The following GRAMD1B variants were observed in gnomAD, a reference collection of about 807,000 sequenced individuals.
The protein encoded by GRAMD1B is protein Aster-B.
GRAMD1B carries 37 observed loss-of-function variants against 99.7 expected under a neutral mutation model. The ratio of observed to expected loss-of-function variants is 0.37; its 90% CI spans 0.29 to 0.49. The LOEUF (loss-of-function observed/expected upper bound fraction) is 0.49. Ranked by LOEUF, GRAMD1B falls within the 20% of genes least tolerant of loss-of-function variation. GRAMD1B has a pLI of 0.98. For synonymous variants in GRAMD1B, 427 were observed against 387.6 expected (o/e 1.10, Z -1.19); for missense variants, 888 against 1,009.2 (o/e 0.88, Z 1.63).
intron 7 of GRAMD1B, chr11:123,599,347 G>A: frequency 1.4e-6 from 1 of 696,988 alleles, no homozygotes; most frequent in South Asian, 1.4e-5. Context: ...GAATTGATCT[G>A]GTCCCAGAGC....
intron 2 of GRAMD1B, among the ~76,000 whole-genome samples, chr11:123,531,244 C>G (rs1943338770): frequency 2.0e-5 from 3 of 152,146 alleles, no homozygotes; most frequent in Non-Finnish European, 2.9e-5. Context: ...CGCTGGTCAT[C>G]TAGGCATTTA....
At chr11:123,367,742 G>T (rs1946369423) in intron 1 of GRAMD1B, among the ~76,000 whole-genome samples, 1 of 151,432 alleles carries the variant, frequency 6.6e-6, no homozygotes, top group Non-Finnish European at 1.5e-5. Flanking sequence ...TAGTTTTTTA[G>T]GAATATAACT....
intron 2 of GRAMD1B, among the ~76,000 whole-genome samples, chr11:123,513,586 C>CTTCA (rs1941314699): frequency 4.2e-5 from 3 of 71,682 alleles, no homozygotes; most frequent in African/African-American, 2.1e-4. Flanking sequence ...CCTTTCCTTC[C>CTTCA]TTCCTTCCTT....
At chr11:123,362,557 T>G (rs1946180310) in intron 1 of GRAMD1B, among the ~76,000 whole-genome samples, 1 of 152,172 alleles carries the variant, frequency 6.6e-6, no homozygotes, top group Non-Finnish European at 1.5e-5. Flanking sequence ...TAAAAATTGA[T>G]TTATACAAAA....
At chr11:123,589,441 A>C (rs1950400295) in intron 4 of GRAMD1B, among the ~76,000 whole-genome samples, 1 of 151,438 alleles carries the variant, frequency 6.6e-6, no homozygotes, top group Non-Finnish European at 1.5e-5. Flanking sequence ...CCTTTAAATT[A>C]GCGTCTTTGG....
At chr11:123,504,075 C>T (rs117685485) in intron 2 of GRAMD1B, among the ~76,000 whole-genome samples, 2,506 of 152,246 alleles carry the variant, frequency 0.016, 39 homozygotes, top group Non-Finnish European at 0.027. Context: ...GTTCTAGAGG[C>T]TGAGGTCGAG....
chr11:123,604,930 C>T (rs1311015732), intron 9 of GRAMD1B, among the ~76,000 whole-genome samples: 2 of 152,150 alleles, frequency 1.3e-5, no homozygotes, highest in East Asian at 1.9e-4. Context: ...GTCCTGTCTT[C>T]GTCACCGTTT....
At chr11:123,516,609 A>G (rs940618246) in intron 2 of GRAMD1B, among the ~76,000 whole-genome samples, 1 of 152,210 alleles carries the variant, frequency 6.6e-6, no homozygotes. Context: ...ATCAAGAAAT[A>G]TCACAGACAG....
At chr11:123,359,120 G>C (rs977834135) in intron 1 of GRAMD1B, among the ~76,000 whole-genome samples, 1 of 152,024 alleles carries the variant, frequency 6.6e-6, no homozygotes, top group Non-Finnish European at 1.5e-5. Flanking sequence ...TACTGGAGAC[G>C]TGCACAGAAC....
At chr11:123,486,959 C>T (rs1016410147) in intron 2 of GRAMD1B, among the ~76,000 whole-genome samples, 29 of 152,194 alleles carry the variant, frequency 1.9e-4, no homozygotes, top group Middle Eastern at 3.2e-3. Flanking sequence ...GTCCCAGCTA[C>T]TCAGGAGGCT....
rs376576227 is a variant in GRAMD1B at position 123,603,431 on chromosome 11, G to A, written c.1056G>A (p.Leu352=). 1.2e-5 allele frequency: 20 copies of A among 1,602,344 alleles called. No individual in the cohort carries two copies. The highest frequency in any genetic ancestry group is 1.6e-5 in the Non-Finnish European group (19 of 1,169,202). The part of the protein sequence containing the change: ...LWQNALLEKP[L]CPKELWHFVH... The stretch of plus-strand genomic sequence containing the variant: ...GTTCCTTTTCTCCCCTGAAGCCTCT[G>A]TGTCCCAAGGAGCTCTGGCACTTTG... The change falls in exon 9 of 20, where the codon CTG becomes CTA. Residue 352 remains leucine (L), a synonymous_variant. Transcript: ENST00000635736.
chr11:123,542,976 T>A (rs201336518), intron 2 of GRAMD1B, among the ~76,000 whole-genome samples: 1 of 25,824 alleles, frequency 3.9e-5, no homozygotes, highest in African/African-American at 7.0e-5. Flanking sequence ...TTTCTTTTTC[T>A]TTTTTTTTTT....
intron 1 of GRAMD1B, among the ~76,000 whole-genome samples, chr11:123,438,956 T>C (rs1413282104): frequency 1.3e-5 from 2 of 152,182 alleles, no homozygotes; most frequent in Non-Finnish European, 2.9e-5. Context: ...CCGGAGAGCC[T>C]GGAGGTGGTT....
intron 1 of GRAMD1B, among the ~76,000 whole-genome samples, chr11:123,436,902 G>C (rs564622634): frequency 6.6e-6 from 1 of 152,110 alleles, no homozygotes; most frequent in South Asian, 2.1e-4. Context: ...ATCCCTCCCC[G>C]CTCACCCTAC....
At chr11:123,589,801 G>A (rs2136457354) in intron 4 of GRAMD1B, among the ~76,000 whole-genome samples, 1 of 152,100 alleles carries the variant, frequency 6.6e-6, no homozygotes, top group African/African-American at 2.4e-5. Context: ...GGGCCATTTT[G>A]AAGTACAGTA....
intron 2 of GRAMD1B, among the ~76,000 whole-genome samples, chr11:123,490,729 A>G (rs984121047): frequency 6.6e-6 from 1 of 152,326 alleles, no homozygotes; most frequent in Middle Eastern, 3.4e-3. Context: ...CAGCTTGCTC[A>G]GCTAGGGGGT....
intron 1 of GRAMD1B, among the ~76,000 whole-genome samples, chr11:123,467,830 C>T (rs182817274): frequency 1.0e-5 from 1 of 99,884 alleles, no homozygotes; most frequent in Admixed American, 1.2e-4. Flanking sequence ...TCCCTCCCTC[C>T]CTCCCTCCCT....
chr11:123,547,389 G>A (rs1042436432), intron 2 of GRAMD1B, among the ~76,000 whole-genome samples: 4 of 152,210 alleles, frequency 2.6e-5, no homozygotes, highest in Admixed American at 1.3e-4. Flanking sequence ...GACAGTTGAT[G>A]TCTCAGAGTT....
At chr11:123,369,717 C>T (rs1473047657) in intron 1 of GRAMD1B, among the ~76,000 whole-genome samples, 5 of 151,456 alleles carry the variant, frequency 3.3e-5, no homozygotes, top group Non-Finnish European at 7.4e-5. Flanking sequence ...ACTAAAAATA[C>T]AAAAATTAGC....
Sources: gnomAD v4.1 joint callset for allele counts (sites outside exome capture counted in the v4.1 genomes callset) on GRCh38, gnomAD v4.1.1 for gene constraint, MANE v1.5 for transcripts, NCBI Gene and HGNC (gene_info 2026-07-23, HGNC 2026-07-21) for gene names.